Variants in SLC24A2 observed in about 807,000 individuals in gnomAD.
SLC24A2 encodes solute carrier family 24 member 2.
In SLC24A2, 36 loss-of-function variants were observed where a neutral mutation model predicts 62.0. The ratio of observed to expected loss-of-function variants is 0.58; its 90% confidence interval spans 0.44 to 0.77. The LOEUF is 0.77. SLC24A2 is among the 30% of genes least tolerant of loss of function. The pLI is 0.00. For missense variants in SLC24A2, 846 were observed against 817.9 expected (o/e 1.03, Z -0.42); for synonymous variants, 358 against 294.0 (o/e 1.22, Z -2.23).
the SLC24A2 span, among the ~76,000 whole-genome samples, chr9:20,079,804 T>C: frequency 5.9e-5 from 9 of 152,180 alleles, no homozygotes; most frequent in Non-Finnish European, 1.3e-4. Flanking sequence ...TGGCTGAAGT[T>C]GCCTATCAGC....
At chr9:19,539,467 G>C (rs1220328555) in intron 8 of SLC24A2, among the ~76,000 whole-genome samples, 2 of 151,158 alleles carry the variant, frequency 1.3e-5, no homozygotes, top group Non-Finnish European at 2.9e-5. Context: ...TATGTACCCA[G>C]TAGTCATTCA....
chr9:20,129,658 C>T, the SLC24A2 span, among the ~76,000 whole-genome samples: 3 of 151,880 alleles, frequency 2.0e-5, no homozygotes, highest in Non-Finnish European at 4.4e-5. Context: ...AGATGCTAAG[C>T]AAAAGAAGCC....
chr9:19,955,386 T>TG, the SLC24A2 span, among the ~76,000 whole-genome samples: 4 of 151,696 alleles, frequency 2.6e-5, no homozygotes, highest in African/African-American at 4.8e-5. Flanking sequence ...GGTTTTTTTT[T>TG]TTTTTGTTTT....
At chr9:19,978,111 T>G in the SLC24A2 span, among the ~76,000 whole-genome samples, 2 of 152,186 alleles carry the variant, frequency 1.3e-5, no homozygotes, top group African/African-American at 4.8e-5. Flanking sequence ...AGAGATTTTC[T>G]ATACTCTTGA....
the SLC24A2 span, among the ~76,000 whole-genome samples, chr9:19,827,386 G>C: frequency 6.6e-6 from 1 of 152,114 alleles, no homozygotes; most frequent in Non-Finnish European, 1.5e-5. Context: ...CTTTCTTCCT[G>C]AGAATGGCAA....
chr9:20,137,843 G>T, the SLC24A2 span, among the ~76,000 whole-genome samples: 2 of 152,156 alleles, frequency 1.3e-5, no homozygotes, highest in Non-Finnish European at 2.9e-5. Context: ...ATTGACCACA[G>T]ATTATTTTTC....
the SLC24A2 span, among the ~76,000 whole-genome samples, chr9:19,815,634 A>C: frequency 1.3e-5 from 2 of 152,154 alleles, no homozygotes; most frequent in Non-Finnish European, 2.9e-5. Flanking sequence ...GCACAAATCC[A>C]CAAACTTTTG....
chr9:20,117,694 G>A, the SLC24A2 span, among the ~76,000 whole-genome samples: 3 of 152,120 alleles, frequency 2.0e-5, no homozygotes, highest in African/African-American at 4.8e-5. Flanking sequence ...AGTAAACGGT[G>A]CCAGGTCTGT....
chr9:19,947,840 GAAAGAAAGAAA>G, the SLC24A2 span, among the ~76,000 whole-genome samples: 1 of 142,622 alleles, frequency 7.0e-6, no homozygotes, highest in Non-Finnish European at 1.5e-5. Context: ...AAGAAAGAAA[GAAAGAAAGAAA>G]TTAGTTCAAT....
intron 2 of SLC24A2, among the ~76,000 whole-genome samples, chr9:19,690,276 T>C (rs1019789373): frequency 2.0e-5 from 3 of 152,044 alleles, no homozygotes; most frequent in Non-Finnish European, 4.4e-5. Context: ...TCTCCTACTG[T>C]GGGTCCGTTT....
At chr9:20,103,843 G>A in the SLC24A2 span, among the ~76,000 whole-genome samples, 1 of 152,046 alleles carries the variant, frequency 6.6e-6, no homozygotes, top group Non-Finnish European at 1.5e-5. Context: ...AACAAAGCTG[G>A]ATGGAGAATG....
the SLC24A2 span, among the ~76,000 whole-genome samples, chr9:20,289,226 C>G: frequency 1.3e-5 from 2 of 152,226 alleles, no homozygotes; most frequent in East Asian, 1.9e-4. Flanking sequence ...CTTACTGCTT[C>G]TTTCTTAGCA....
the SLC24A2 span, among the ~76,000 whole-genome samples, chr9:20,200,250 A>G: frequency 2.0e-5 from 3 of 152,142 alleles, no homozygotes; most frequent in African/African-American, 7.2e-5. Context: ...CACTGCCCAC[A>G]TATTTCCAGT....
chr9:20,196,031 G>A, the SLC24A2 span, among the ~76,000 whole-genome samples: 110 of 152,092 alleles, frequency 7.2e-4, no homozygotes, highest in East Asian at 2.5e-3. Context: ...AGCATTAAGC[G>A]AATATAATAT....
intron 4 of SLC24A2, among the ~76,000 whole-genome samples, chr9:19,615,073 A>T (rs903579381): frequency 6.6e-6 from 1 of 152,222 alleles, no homozygotes; most frequent in Non-Finnish European, 1.5e-5. Flanking sequence ...CTTGTGACTC[A>T]GGCTCAGAGG....
At chr9:20,275,042 C>T in the SLC24A2 span, among the ~76,000 whole-genome samples, 3 of 152,106 alleles carry the variant, frequency 2.0e-5, no homozygotes, top group African/African-American at 7.2e-5. Flanking sequence ...ATACCTGAGG[C>T]CTGGCCAGGG....
intron 2 of SLC24A2, among the ~76,000 whole-genome samples, chr9:19,752,156 T>C (rs1024103890): frequency 1.1e-4 from 16 of 152,018 alleles, no homozygotes; most frequent in Admixed American, 2.6e-4. Flanking sequence ...AGGGAAGAAA[T>C]AAGAACGGAA....
the SLC24A2 span, chr9:19,958,038 G>A: frequency 1.3e-5 from 2 of 152,462 alleles, no homozygotes; most frequent in Non-Finnish European, 2.9e-5. Context: ...ATAGGATCAT[G>A]GTAGGGGGGA....
At chr9:19,871,712 G>A in the SLC24A2 span, among the ~76,000 whole-genome samples, 1 of 152,020 alleles carries the variant, frequency 6.6e-6, no homozygotes, top group Non-Finnish European at 1.5e-5. Context: ...TAAAAATAAG[G>A]TATTTTTATT....
Sources: allele counts gnomAD v4.1 joint callset (sites outside exome capture counted in the v4.1 genomes callset), GRCh38; gene constraint gnomAD v4.1.1; transcripts MANE v1.5; gene names NCBI Gene and HGNC (gene_info 2026-07-23, HGNC 2026-07-21).